The following NHS variants were observed in gnomAD, a reference collection of about 807,000 sequenced individuals.
The protein encoded by NHS is actin remodeling regulator NHS.
In NHS, 5 loss-of-function variants were observed where a neutral mutation model predicts 72.5. The observed-to-expected ratio is 0.07, with a 90% CI of 0.04 to 0.14. The LOEUF is 0.14. NHS is among the 10% of genes least tolerant of loss of function. NHS has a pLI of 1.00. For synonymous variants in NHS, 464 were observed against 547.7 expected (o/e 0.85, Z 2.13); for missense variants, 1,072 against 1,355.7 (o/e 0.79, Z 3.29).
At chrX:17,501,355 G>GA (rs35562306) in intron 1 of NHS, among the ~76,000 whole-genome samples, 31,751 of 97,997 alleles carry the variant, frequency 0.32, 4,196 homozygotes, top group East Asian at 0.43. Context: ...CCTATCTCAA[G>GA]AAAAAAAAAA....
chrX:17,564,061 T>C (rs1269943214), intron 1 of NHS, among the ~76,000 whole-genome samples: 1 of 111,806 alleles, frequency 8.9e-6, no homozygotes, highest in Admixed American at 9.5e-5. Context: ...TTATGCAAAA[T>C]TTAAATAGTC....
intron 1 of NHS, among the ~76,000 whole-genome samples, chrX:17,621,638 C>A (rs978300515): frequency 1.8e-5 from 2 of 112,001 alleles, no homozygotes; most frequent in Non-Finnish European, 1.9e-5. Context: ...GGTCTCCTTT[C>A]TGCTCCTACC....
chrX:17,723,241 C>G (rs2066416126), intron 5 of NHS, among the ~76,000 whole-genome samples: 1 of 111,861 alleles, frequency 8.9e-6, no homozygotes, highest in Non-Finnish European at 1.9e-5. Flanking sequence ...TACAGCTGAA[C>G]CAAGACTTGA....
intron 1 of NHS, among the ~76,000 whole-genome samples, chrX:17,611,853 C>T (rs148194424): frequency 2.7e-3 from 297 of 111,038 alleles, no homozygotes; most frequent in African/African-American, 9.4e-3. Flanking sequence ...AGAACTGCCA[C>T]GGAAGCAAAG....
intron 3 of NHS, among the ~76,000 whole-genome samples, chrX:17,697,106 C>A: frequency 9.0e-6 from 1 of 111,113 alleles, no homozygotes; most frequent in South Asian, 3.9e-4. Flanking sequence ...TTTACAGGAG[C>A]AGTTTTCTCT....
At chrX:17,680,025 G>A (rs953168238) in intron 1 of NHS, among the ~76,000 whole-genome samples, 1 of 112,287 alleles carries the variant, frequency 8.9e-6, no homozygotes, top group African/African-American at 3.2e-5. Flanking sequence ...AGCTCTTGGC[G>A]GGTGTGTCCT....
At chrX:17,625,866 A>G (rs1289376701) in intron 1 of NHS, among the ~76,000 whole-genome samples, 1 of 112,082 alleles carries the variant, frequency 8.9e-6, no homozygotes, top group Non-Finnish European at 1.9e-5. Context: ...CTAAGTCTTC[A>G]AATTCCAGTG....
intron 1 of NHS, among the ~76,000 whole-genome samples, chrX:17,468,542 A>G (rs772046659): frequency 2.7e-4 from 30 of 109,836 alleles, no homozygotes; most frequent in African/African-American, 8.9e-4. Context: ...ATTTTTTTAA[A>G]TGTTTATTTA....
intron 1 of NHS, among the ~76,000 whole-genome samples, chrX:17,599,242 T>C (rs918080546): frequency 2.7e-5 from 3 of 111,907 alleles, no homozygotes; most frequent in Admixed American, 1.9e-4. Flanking sequence ...ATTGAGTATA[T>C]ACCCAGAAGC....
chrX:17,578,588 TACTC>T (rs2065523822), intron 1 of NHS, among the ~76,000 whole-genome samples: 1 of 112,108 alleles, frequency 8.9e-6, no homozygotes, highest in Non-Finnish European at 1.9e-5. Context: ...TATATCGAAA[TACTC>T]AAGAGTGTAA....
intron 1 of NHS, among the ~76,000 whole-genome samples, chrX:17,539,451 G>A (rs2065251830): frequency 9.1e-6 from 1 of 110,412 alleles, no homozygotes; most frequent in Non-Finnish European, 1.9e-5. Context: ...AGAGACCTGT[G>A]TCTGGTTCAC....
intron 1 of NHS, among the ~76,000 whole-genome samples, chrX:17,630,700 C>G (rs1462210567): frequency 8.9e-6 from 1 of 111,815 alleles, no homozygotes; most frequent in African/African-American, 3.3e-5. Flanking sequence ...CTTCATGCCC[C>G]TTCTACTAAG....
At chrX:17,556,761 A>G (rs999470732) in intron 1 of NHS, among the ~76,000 whole-genome samples, 2 of 111,896 alleles carry the variant, frequency 1.8e-5, no homozygotes, top group African/African-American at 3.3e-5. Context: ...TATCATTGTC[A>G]GTAAAGGGCC....
At chrX:17,394,744 C>A (rs759152261) in intron 1 of NHS, among the ~76,000 whole-genome samples, 2 of 109,843 alleles carry the variant, frequency 1.8e-5, no homozygotes, top group East Asian at 5.7e-4. Context: ...TATGGCCAAC[C>A]CCACCCCCAG....
intron 1 of NHS, among the ~76,000 whole-genome samples, chrX:17,526,589 G>A (rs2065174617): frequency 8.9e-6 from 1 of 111,951 alleles, no homozygotes; most frequent in South Asian, 3.8e-4. Context: ...GGGCTTACAA[G>A]GTCTCATTGC....
intron 1 of NHS, among the ~76,000 whole-genome samples, chrX:17,681,439 T>C (rs1424474097): frequency 9.0e-6 from 1 of 111,702 alleles, no homozygotes; most frequent in East Asian, 2.8e-4. Context: ...CATCTTTCCA[T>C]CCAAGAGCCC....
At chrX:17,633,038 G>A (rs781397153) in intron 1 of NHS, among the ~76,000 whole-genome samples, 2 of 111,216 alleles carry the variant, frequency 1.8e-5, no homozygotes, top group South Asian at 3.8e-4. Context: ...GTAGATTTAG[G>A]AAACAGTAAT....
intron 1 of NHS, among the ~76,000 whole-genome samples, chrX:17,498,137 A>G (rs1484948559): frequency 8.9e-6 from 1 of 112,130 alleles, no homozygotes; most frequent in East Asian, 2.8e-4. Flanking sequence ...AGGTCACATA[A>G]CTAGAAATGA....
At chrX:17,494,018 T>C (rs1265724601) in intron 1 of NHS, among the ~76,000 whole-genome samples, 1 of 108,368 alleles carries the variant, frequency 9.2e-6, no homozygotes, top group Non-Finnish European at 1.9e-5. Context: ...GCAAGGGTTA[T>C]GGGAAGATTA....
Sources: allele counts gnomAD v4.1 joint callset (sites outside exome capture counted in the v4.1 genomes callset), GRCh38; gene constraint gnomAD v4.1.1; transcripts MANE v1.5; gene names NCBI Gene and HGNC (gene_info 2026-07-23, HGNC 2026-07-21).